STARD4: variants seen among roughly 807,000 people sequenced by gnomAD.
STARD4 encodes StAR related lipid transfer domain containing 4.
In STARD4, 33 loss-of-function variants were observed where a neutral mutation model predicts 24.9. The observed-to-expected ratio is 1.32, with a 90% confidence interval of 1.00 to 1.77. STARD4 has a LOEUF of 1.77. STARD4 is among the 40% of genes most tolerant of loss of function. STARD4 has a pLI of 0.00. For synonymous variants in STARD4, 88 were observed against 77.4 expected (o/e 1.14, Z -0.72); for missense variants, 238 against 249.3 (o/e 0.95, Z 0.31).
At chr5:111,510,337 A>G (rs1323162070) in intron 1 of STARD4, among the ~76,000 whole-genome samples, 2 of 152,214 alleles carry the variant, frequency 1.3e-5, no homozygotes, top group African/African-American at 2.4e-5. Context: ...GGGTACTGAC[A>G]TTAATTGAGA....
rs1756247941 is a variant in STARD4 at position 111,498,924 on chromosome 5, A to G, written c.*962T>C. The G allele has an allele frequency of 6.6e-6, 1 of 152,222 alleles. No homozygotes were observed. Among genetic ancestry groups the G allele is most frequent in the Admixed American group, 6.5e-5 (1 of 15,280 alleles). The allele number at this position is 152,222 out of a possible 1,614,324, so 9.4% of individuals were successfully genotyped here. ...CACAATAAAGTAAAACACAGATCAA[A>G]CTACCATGCACTTGAAACACTATGT... On this transcript the variant is annotated 3_prime_UTR_variant, in exon 6 of 6. Coordinates refer to ENST00000296632, the MANE Select transcript of STARD4 (RefSeq NM_139164.3).
Position 111,507,371 on chromosome 5 carries a change from G to A in STARD4, c.63C>T (p.Tyr21=), listed in dbSNP as rs1275183499. 2 of 1,613,178 alleles carry A rather than the reference G, an allele frequency of 1.2e-6. No individual in the cohort carries two copies. The highest frequency in any genetic ancestry group is 1.3e-5 in the African/African-American group (1 of 74,872). ...GCCACTTATCTTCTTCAATGCTATG[G>A]TACTGGATGAGAGTGTTTTTAAGTT... is the stretch of plus-strand genomic sequence containing the variant. ...ATKLKNTLIQ[Y]HSIEEDKWRV... The change falls in exon 2 of 6, where the codon TAC becomes TAT. Residue 21 remains tyrosine, a synonymous_variant. Transcript: ENST00000296632. The surrounding 1 kb of genome is among the most constrained non-coding windows in gnomAD (Gnocchi z 4.4).
intron 5 of STARD4, 105 bp downstream of exon 5, chr5:111,500,897 G>C: frequency 2.5e-6 from 4 of 1,601,266 alleles, no homozygotes; most frequent in Non-Finnish European, 3.4e-6. Context: ...AGTGATTACA[G>C]AGTCAGAGTT....
At chr5:111,508,344 T>C (rs1473093257) in intron 1 of STARD4, among the ~76,000 whole-genome samples, 2 of 152,090 alleles carry the variant, frequency 1.3e-5, no homozygotes, top group Non-Finnish European at 1.5e-5. Context: ...GCCTGGCACA[T>C]AGTAGGCCCT....
At chr5:111,510,243 T>A (rs1441330979) in intron 1 of STARD4, among the ~76,000 whole-genome samples, 1 of 152,190 alleles carries the variant, frequency 6.6e-6, no homozygotes, top group Non-Finnish European at 1.5e-5. Flanking sequence ...ATTGAGCATT[T>A]CTCAAAATAT....
rs1241860197 is a variant in STARD4, at chr5:111,496,664, A to G, written c.*3222T>C. On this transcript the variant is annotated 3_prime_UTR_variant, in exon 6 of 6. Coordinates refer to ENST00000296632, the MANE Select transcript of STARD4 (RefSeq NM_139164.3). ...CCCATCTTCTCCAGATACAACCTCAATTACATAGTTTTTTAGCTTGAGATA... is the reference window on the plus strand; with the variant it reads ...CCCATCTTCTCCAGATACAACCTCAGTTACATAGTTTTTTAGCTTGAGATA... 6.6e-6 allele frequency: 1 copy of G among 152,118 alleles called. No individual in the cohort carries two copies. Among genetic ancestry groups the G allele is most frequent in the East Asian group, 1.9e-4 (1 of 5,198 alleles). The allele number at this position is 152,118 out of a possible 1,614,324, so 9.4% of individuals were successfully genotyped here.
In STARD4 at chr5:111,497,379, TTAC is replaced by T. The variant is rs1290728203; in HGVS notation, c.*2504_*2506del. On this transcript the variant is annotated 3_prime_UTR_variant, in exon 6 of 6. Coordinates refer to ENST00000296632, the MANE Select transcript of STARD4 (RefSeq NM_139164.3). The stretch of plus-strand genomic sequence containing the variant: ...ATTCCGTATTATTGTCTATTTCATC[TTAC>T]TACAAGACAAATTAATAAATATGCT... The T allele has an allele frequency of 4.1e-4, 62 of 152,060 alleles. No individual in the cohort carries two copies. Among genetic ancestry groups the T allele is most frequent in the African/African-American group, 1.4e-3 (58 of 41,440 alleles). 9.4% of individuals were successfully genotyped at this position (152,060 alleles called of 1,614,324 possible).
Position 111,497,841 on chromosome 5 carries a change from G to A in STARD4, c.*2045C>T, listed in dbSNP as rs1181281544. ...ACAAGATTCCTGAGCTTAGAATCAT[G>A]AACACCTCCACTCTTAAAAATGAAA... On this transcript the variant is annotated 3_prime_UTR_variant, in exon 6 of 6. Transcript: ENST00000296632. The A allele has an allele frequency of 6.6e-6, 1 of 151,874 alleles. No individual in the cohort carries two copies. Among genetic ancestry groups the A allele is most frequent in the East Asian group, 1.9e-4 (1 of 5,190 alleles). The allele number at this position is 151,874 out of a possible 1,614,324, so 9.4% of individuals were successfully genotyped here.
At chr5:111,506,973 T>C (rs868370139) in intron 2 of STARD4, among the ~76,000 whole-genome samples, 38 of 152,328 alleles carry the variant, frequency 2.5e-4, no homozygotes, top group Middle Eastern at 3.4e-3. Context: ...GCTACCTTCA[T>C]AGGCTTTTTG....
intron 1 of STARD4, among the ~76,000 whole-genome samples, chr5:111,510,443 T>A (rs1463204961): frequency 6.6e-6 from 1 of 152,184 alleles, no homozygotes; most frequent in East Asian, 1.9e-4. Flanking sequence ...GAACTTCCTT[T>A]TACTAATTCA....
chr5:111,511,362 G>A (rs1757262490), intron 1 of STARD4, among the ~76,000 whole-genome samples: 1 of 151,746 alleles, frequency 6.6e-6, no homozygotes, highest in Non-Finnish European at 1.5e-5. Context: ...TTACTACATG[G>A]TCAGTCCTTC....
Position 111,507,238 on chromosome 5 carries a change from T to C in STARD4, c.105+91A>G. The C allele has an allele frequency of 2.9e-6, 3 of 1,024,590 alleles. No homozygotes were observed. The highest frequency in any genetic ancestry group is 4.4e-6 in the Non-Finnish European group (3 of 689,408). The allele number at this position is 1,024,590 out of a possible 1,614,324, so 63.5% of individuals were successfully genotyped here. ...GCATATCCATCCAAAGTATGGTCTT[T>C]GTCCATATTGTTCCATTTAATTTTA... On this transcript the variant is annotated intron_variant, in intron 2 of 5. Transcript: ENST00000296632. This position sits in a 1 kb window ranked among gnomAD's most constrained non-coding sequence, Gnocchi z 4.4.
In STARD4 at chr5:111,496,308, A is replaced by G. The variant is rs1170480366; in HGVS notation, c.*3578T>C. On this transcript the variant is annotated 3_prime_UTR_variant, in exon 6 of 6. Coordinates refer to ENST00000296632, the MANE Select transcript of STARD4 (RefSeq NM_139164.3). The stretch of plus-strand genomic sequence containing the variant: ...TAGTTCCAACTTCCTGTTTTTTGAA[A>G]TTATTCTGATGTTTCTTCTACACTC... The G allele has an allele frequency of 6.6e-6, 1 of 152,032 alleles. No homozygotes were observed. The highest frequency in any genetic ancestry group is 1.5e-5 in the Non-Finnish European group (1 of 67,976). The allele number at this position is 152,032 out of a possible 1,614,324, so 9.4% of individuals were successfully genotyped here. A position where few individuals can be genotyped will look rare whatever the true frequency, so the allele number is the denominator to read the frequency against.
rs1756284081 is a variant in STARD4 at position 111,499,710 on chromosome 5, G to T, written c.*176C>A. The T allele has an allele frequency of 1.7e-6, 1 of 596,204 alleles. No homozygotes were observed. Among genetic ancestry groups the T allele is most frequent in the East Asian group, 2.9e-5 (1 of 34,216 alleles). The allele number at this position is 596,204 out of a possible 1,614,324, so 36.9% of individuals were successfully genotyped here. On this transcript the variant is annotated 3_prime_UTR_variant, in exon 6 of 6. Transcript: ENST00000296632. ...AATTTAAAAAAAAAAAAGTGAAAAT[G>T]CCCTCTCTTAGATAGCTATTTACTT...
chr5:111,498,421 C>G lies in STARD4; in HGVS notation c.*1465G>C, dbSNP rs964642324. The G allele has an allele frequency of 2.0e-5, 3 of 151,600 alleles. No homozygotes were observed. Among genetic ancestry groups the G allele is most frequent in the Admixed American group, 2.0e-4 (3 of 15,172 alleles). The allele number at this position is 151,600 out of a possible 1,614,324, so 9.4% of individuals were successfully genotyped here. ...ACTATCTTGTCACAAATCCCTTACT[C>G]AAGTTAGGCACCTTTGGAATTTCAC... On this transcript the variant is annotated 3_prime_UTR_variant, in exon 6 of 6. Transcript: ENST00000296632.
intron 1 of STARD4, among the ~76,000 whole-genome samples, chr5:111,510,682 C>G (rs1280346727): frequency 6.6e-6 from 1 of 152,194 alleles, no homozygotes; most frequent in Non-Finnish European, 1.5e-5. Flanking sequence ...GAAGCTATCA[C>G]TAGTGGTGAT....
intron 3 of STARD4, among the ~76,000 whole-genome samples, chr5:111,503,151 A>C (rs781131087): frequency 1.8e-4 from 27 of 152,154 alleles, no homozygotes; most frequent in Non-Finnish European, 2.9e-4. Context: ...CAAGGAACTG[A>C]CTCATAAATA....
rs1756072802 is a variant in STARD4 at position 111,496,061 on chromosome 5, T to C, written c.*3825A>G. 1 of 152,176 alleles carries C rather than the reference T, an allele frequency of 6.6e-6. No homozygotes were observed. Among genetic ancestry groups the C allele is most frequent in the South Asian group, 2.1e-4 (1 of 4,832 alleles). 9.4% of individuals were successfully genotyped at this position (152,176 alleles called of 1,614,324 possible). ...TAAGAGTGTCTACAAATTTTTATTTTGTTTCATACCAATTTAAAAATAAAT... is the reference window on the plus strand; with the variant it reads ...TAAGAGTGTCTACAAATTTTTATTTCGTTTCATACCAATTTAAAAATAAAT... On this transcript the variant is annotated 3_prime_UTR_variant, in exon 6 of 6. Transcript: ENST00000296632.
chr5:111,507,445 G>A lies in STARD4; in HGVS notation c.-9-3C>T. The A allele has an allele frequency of 1.2e-6, 2 of 1,608,300 alleles. No individual in the cohort carries two copies. The highest frequency in any genetic ancestry group is 1.7e-4 in the Middle Eastern group (1 of 6,032). On this transcript the variant is annotated splice_polypyrimidine_tract_variant and splice_region_variant and intron_variant, in intron 1 of 5. Transcript: ENST00000296632. This position sits in a 1 kb window ranked among gnomAD's most constrained non-coding sequence, Gnocchi z 4.4. Reference sequence around the variant, plus strand: ...GACAGGCCTTCCATTACTTCTCTCTGTTATGGAGACCAAGATTAGCATCAG... The same window carrying A: ...GACAGGCCTTCCATTACTTCTCTCTATTATGGAGACCAAGATTAGCATCAG...
Sources: gnomAD v4.1 joint callset for allele counts (sites outside exome capture counted in the v4.1 genomes callset) on GRCh38, gnomAD v4.1.1 for gene constraint, Gnocchi (gnomAD v3.1) non-coding constraint, MANE v1.5 for transcripts, NCBI Gene and HGNC (gene_info 2026-07-23, HGNC 2026-07-21) for gene names.